The following GLI4 variants were observed in gnomAD, a reference collection of about 807,000 sequenced individuals.
GLI4 encodes the protein GLI family zinc finger 4, also known as zinc finger protein GLI4.
GLI4 carries 34 observed loss-of-function variants against 30.9 expected under a neutral mutation model. The ratio of observed to expected loss-of-function variants is 1.10; its 90% CI spans 0.84 to 1.47. The LOEUF (loss-of-function observed/expected upper bound fraction) is 1.47, where lower values mean the gene tolerates loss of function less well. Among genes scored for constraint, GLI4 ranks in the 40% most tolerant of loss-of-function variants. The probability of loss-of-function intolerance (pLI) is 0.00; values close to 1 mark genes in which losing one functional copy is unlikely to be tolerated. For missense variants in GLI4, 696 were observed against 538.9 expected, an observed-to-expected ratio of 1.29 and a Z score of -2.89; for synonymous variants, 277 against 236.7, an observed-to-expected ratio of 1.17 and a Z score of -1.56.
chr8:143,274,517 G>A (rs1396762925), intron 2 of GLI4, 187 bp from the exon 3 acceptor site: 8 of 461,732 alleles, frequency 1.7e-5, no homozygotes, highest in Non-Finnish European at 2.2e-5. Flanking sequence ...CTCTTGAACC[G>A]AGCTGGGAAG....
chr8:143,270,556 C>G (rs1815245808), intron 2 of GLI4, among the ~76,000 whole-genome samples: 2 of 152,210 alleles, frequency 1.3e-5, no homozygotes, highest in South Asian at 4.1e-4. Flanking sequence ...TGGAAGGATC[C>G]CAAGCCCCTG....
At chr8:143,268,060 T>C in intron 1 of GLI4, 1 of 985,348 alleles carries the variant, frequency 1.0e-6, no homozygotes, top group Non-Finnish European at 1.2e-6. Flanking sequence ...CAAGCCAGGG[T>C]CGGGGTGATC....
chr8:143,268,990 C>T (rs939785188), intron 1 of GLI4, among the ~76,000 whole-genome samples: 2 of 152,184 alleles, frequency 1.3e-5, no homozygotes, highest in African/African-American at 4.8e-5. Context: ...ATTACAGGTG[C>T]CCGCCACTGC....
In GLI4 at chr8:143,274,724, A is replaced by G. The variant is rs758233993; in HGVS notation, c.145A>G (p.Lys49Glu). The G allele has an allele frequency of 3.2e-6, 5 of 1,563,978 alleles. No homozygotes were observed. Among genetic ancestry groups the G allele is most frequent in the Non-Finnish European group, 4.3e-6 (5 of 1,152,788 alleles). ...HQHGSPGSSP[K>E]VLSQPSDLDL... ...CCCAGGCTCCCCTGGCTCCAGCCCT[A>G]AGGTGCTCTCCCAGCCGTCCGACCT... Residue 49 changes from lysine (K) to glutamate (E), a missense_variant, in exon 3 of 4, where the codon AAG becomes GAG. Coordinates refer to ENST00000340042, the MANE Select transcript of GLI4 (RefSeq NM_138465.4).
rs61744513 is a variant in GLI4 at position 143,274,801 on chromosome 8, C to T, written c.222C>T (p.Pro74=). The change falls in exon 3 of 4, where the codon CCC becomes CCT. Residue 74 remains proline, a splice_region_variant and synonymous_variant. Transcript: ENST00000340042. ...EVEIGRDTFW[P]DSEPKPEQAP... Reference sequence around the variant, plus strand: ...AGATCGGCAGAGACACCTTCTGGCCCGGTGAGTGAGCAGAATCGGGTTACT... The same window carrying T: ...AGATCGGCAGAGACACCTTCTGGCCTGGTGAGTGAGCAGAATCGGGTTACT... The T allele has an allele frequency of 2.2e-3, 3,488 of 1,557,162 alleles. 7 individuals are homozygous for T. The highest frequency in any genetic ancestry group is 2.5e-3 in the Non-Finnish European group (2,836 of 1,147,772).
chr8:143,270,051 C>T (rs1434926438), intron 2 of GLI4, among the ~76,000 whole-genome samples: 1 of 152,240 alleles, frequency 6.6e-6, no homozygotes, highest in Non-Finnish European at 1.5e-5. Flanking sequence ...TGGCTCTACT[C>T]CCTCTCAGAG....
intron 2 of GLI4, chr8:143,273,072 G>A (rs1381903899): frequency 1.3e-5 from 2 of 152,400 alleles, no homozygotes; most frequent in East Asian, 1.9e-4. Flanking sequence ...TGGAATCGGG[G>A]TCACTTTCTT....
rs1325862315 is a variant in GLI4, at chr8:143,276,718, A to G, written c.1045A>G (p.Lys349Glu). The G allele has an allele frequency of 1.2e-6, 2 of 1,610,760 alleles. No individual in the cohort carries two copies. The highest frequency in any genetic ancestry group is 4.5e-5 in the East Asian group (2 of 44,812). Residue 349 changes from lysine (K) to glutamate (E), a missense_variant, in exon 4 of 4, where the codon AAG becomes GAG. Lys to Glu is a moderately conservative substitution (Grantham distance 56). Transcript: ENST00000340042. ...GCACCTGCGGACCCACACGGGCGAG[A>G]AGCCCTTCGCGTGTGGCGCCTGCGG... ...FRHLRTHTGE[K>E]PFACGACGKA...
chr8:143,268,052 A>C, intron 1 of GLI4: 2 of 985,450 alleles, frequency 2.0e-6, no homozygotes, highest in Non-Finnish European at 2.4e-6. Context: ...CTGGGGGCCA[A>C]GCCAGGGTCG....
In GLI4 at chr8:143,275,901, CG is replaced by C. The variant is rs946358161; in HGVS notation, c.229del (p.Glu77SerfsTer28). 12 of 1,293,680 alleles carry C rather than the reference CG, an allele frequency of 9.3e-6. No individual in the cohort carries two copies. The highest frequency in any genetic ancestry group is 3.1e-5 in the African/African-American group (2 of 65,168). The allele number at this position is 1,293,680 out of a possible 1,614,324, so 80.1% of individuals were successfully genotyped here. ...CTCTGCCGTTTCTCATTTCAGACTC[CG>C]AGCCCAAGCCGGAGCAGGCTCCACG... ...IGRDTFWPDS[E>X]PKPEQAPRSP... On this transcript the variant is annotated frameshift_variant, in exon 4 of 4. Coordinates refer to ENST00000340042, the MANE Select transcript of GLI4 (RefSeq NM_138465.4). LOFTEE classifies it low-confidence loss of function (END_TRUNC).
chr8:143,270,802 T>A (rs1815251701), intron 2 of GLI4, among the ~76,000 whole-genome samples: 1 of 152,146 alleles, frequency 6.6e-6, no homozygotes, highest in South Asian at 2.1e-4. Flanking sequence ...GTGACTTCTC[T>A]AGGGGGACAG....
chr8:143,269,330 C>T (rs1815213756), intron 1 of GLI4, 30 bp from the exon 2 acceptor site: 1 of 1,562,240 alleles, frequency 6.4e-7, no homozygotes, highest in African/African-American at 1.4e-5. Context: ...TCCCAATCCC[C>T]TCATCTGCCA....
Position 143,276,226 on chromosome 8 carries a change from T to C in GLI4, c.553T>C (p.Cys185Arg), listed in dbSNP as rs1481619909. ...CGCGCGGGGGGCCAAGCCGCACAGG[T>C]GCGAGGCCTGCGGCAAGAGTTTCAA... ...GSARGAKPHR[C>R]EACGKSFKYN... Residue 185 changes from cysteine (C) to arginine (R), a missense_variant, in exon 4 of 4, where the codon TGC becomes CGC. By Grantham distance (180) the Cys-to-Arg change is radical. Coordinates refer to ENST00000340042, the MANE Select transcript of GLI4 (RefSeq NM_138465.4). 6.3e-7 allele frequency: 1 copy of C among 1,594,762 alleles called. No homozygotes were observed. The highest frequency in any genetic ancestry group is 2.3e-5 in the East Asian group (1 of 43,516).
chr8:143,270,102 A>G (rs546024869), intron 2 of GLI4, among the ~76,000 whole-genome samples: 2 of 152,362 alleles, frequency 1.3e-5, no homozygotes, highest in African/African-American at 4.8e-5. Flanking sequence ...GGTGTTCCAC[A>G]GGAGGCCTGG....
At chr8:143,267,653 C>T (rs1815166618) in intron 1 of GLI4, 169 bp downstream of exon 1, 1 of 985,210 alleles carries the variant, frequency 1.0e-6, no homozygotes, top group Non-Finnish European at 1.2e-6. Flanking sequence ...GCGGGGTGGG[C>T]TCCTGGGGGT....
chr8:143,275,358 T>C (rs1586729594), intron 3 of GLI4: 1 of 1,412,430 alleles, frequency 7.1e-7, no homozygotes, highest in African/African-American at 1.4e-5. Context: ...AGCAGGTGTC[T>C]GAGGTCAGGT....
At position 143,276,443 on chromosome 8, in the gene GLI4, A is replaced by C. The variant is rs754823595; in HGVS notation, c.770A>C (p.His257Pro). The C allele has an allele frequency of 9.9e-6, 16 of 1,612,642 alleles. No individual in the cohort carries two copies. The Admixed American group carries it at 1.2e-4, about 12-fold the overall frequency. Reference protein sequence around the residue: ...AFSHSSHFTQHLRIHNGEKPY... With the variant: ...AFSHSSHFTQPLRIHNGEKPY... ...AGCCACAGCTCGCACTTCACGCAGC[A>C]CCTGCGCATCCACAACGGCGAGAAG... Residue 257 changes from histidine to proline, a missense_variant, in exon 4 of 4, where the codon CAC becomes CCC. Coordinates refer to ENST00000340042, the MANE Select transcript of GLI4 (RefSeq NM_138465.4).
chr8:143,268,182 C>G, intron 1 of GLI4: 1 of 737,140 alleles, frequency 1.4e-6, no homozygotes, highest in Non-Finnish European at 1.7e-6. Context: ...CCTGACCCTT[C>G]CCATCATTAG....
intron 3 of GLI4, 69 bp from the exon 4 acceptor site, chr8:143,275,828 C>A: frequency 8.0e-7 from 1 of 1,251,214 alleles, no homozygotes; most frequent in South Asian, 3.4e-5. Context: ...TCTCACTCCC[C>A]GTCCCCGTCC....
Sources: allele counts gnomAD v4.1 joint callset (sites outside exome capture counted in the v4.1 genomes callset), GRCh38; gene constraint gnomAD v4.1.1; transcripts MANE v1.5; gene names NCBI Gene and HGNC (gene_info 2026-07-23, HGNC 2026-07-21).